Variants in SP100 observed in about 807,000 individuals in gnomAD.
SP100 encodes the protein nuclear autoantigen Sp-100.
A neutral mutation model predicts 130.0 loss-of-function variants in SP100; 84 were observed. That is an observed-to-expected ratio of 0.65 (90% confidence interval 0.54 to 0.77). The LOEUF (loss-of-function observed/expected upper bound fraction) is 0.77. Among genes scored for constraint, SP100 ranks in the 30% least tolerant of loss-of-function variants. SP100 has a pLI of 0.00. For missense variants in SP100, 978 were observed against 1,052.2 expected (o/e 0.93, Z 0.97); for synonymous variants, 331 against 351.7 (o/e 0.94, Z 0.66).
At chr2:230,425,247 AC>A (rs1352477397) in intron 2 of SP100, among the ~76,000 whole-genome samples, 1 of 152,136 alleles carries the variant, frequency 6.6e-6, no homozygotes, top group Admixed American at 6.5e-5. Context: ...AATACCCAGA[AC>A]TTATCCATCT....
intron 24 of SP100, among the ~76,000 whole-genome samples, chr2:230,527,975 A>T (rs144371372): frequency 0.013 from 1,976 of 152,194 alleles, 38 homozygotes; most frequent in African/African-American, 0.045. Flanking sequence ...CACACAATAA[A>T]AATGGGAGAC....
Position 230,504,197 on chromosome 2 carries a change from C to T in SP100, c.1777C>T (p.Pro593Ser). The change falls in exon 21 of 29, where the codon CCC becomes TCC. Residue 593 changes from proline to serine, a missense_variant. Pro to Ser is a moderately conservative substitution (Grantham distance 74). Transcript: ENST00000340126. ...KRRRKRGPRI[P>S]KDENINFKQS... ...ATGCTTCCTTGCAGGTCCAAGAATTCCCAAAGATGAAAATATTAATTTTAA... is the reference window on the plus strand; with the variant it reads ...ATGCTTCCTTGCAGGTCCAAGAATTTCCAAAGATGAAAATATTAATTTTAA... 1 of 1,606,682 alleles carries T rather than the reference C, an allele frequency of 6.2e-7. No individual in the cohort carries two copies. Among genetic ancestry groups the T allele is most frequent in the Non-Finnish European group, 8.5e-7 (1 of 1,174,682 alleles).
chr2:230,471,733 T>C (rs1031457871), intron 15 of SP100, among the ~76,000 whole-genome samples: 16 of 151,886 alleles, frequency 1.1e-4, no homozygotes, highest in Non-Finnish European at 1.6e-4. Flanking sequence ...GGCTCCTGAA[T>C]GGAGGGAGGA....
At chr2:230,510,745 T>C in intron 23 of SP100, 1 of 262,338 alleles carries the variant, frequency 3.8e-6, no homozygotes, top group Non-Finnish European at 7.4e-6. Context: ...TCTGCCCTCC[T>C]CGGCCTCCCA....
intron 17 of SP100, among the ~76,000 whole-genome samples, chr2:230,478,581 T>C (rs2065679840): frequency 6.6e-6 from 1 of 152,220 alleles, no homozygotes; most frequent in African/African-American, 2.4e-5. Flanking sequence ...TTCTTTATGT[T>C]AGTCTTGTGG....
rs577875109 is a variant in SP100 at position 230,461,017 on chromosome 2, A to T, written c.821-245A>T. Among the ~76,000 whole-genome samples, 4 of 151,736 alleles carry T rather than the reference A, an allele frequency of 2.6e-5. No individual in the cohort carries two copies. The East Asian group carries it at 5.8e-4, about 22-fold the overall frequency. On this transcript the variant is annotated intron_variant, in intron 8 of 28. Coordinates refer to ENST00000340126, the MANE Select transcript of SP100 (RefSeq NM_001080391.2). The stretch of plus-strand genomic sequence containing the variant: ...GTCTTATACTGCAATTATAATTTTT[A>T]TTTTTTTTAAAAAGCAAAATATTAA...
chr2:230,436,476 T>C (rs1332302528), intron 2 of SP100, among the ~76,000 whole-genome samples: 1 of 152,072 alleles, frequency 6.6e-6, no homozygotes, highest in Non-Finnish European at 1.5e-5. Flanking sequence ...TGAGATCTGA[T>C]GGTATAAGGG....
At chr2:230,448,977 C>A in intron 5 of SP100, 111 bp from the exon 6 acceptor site, 4 of 760,086 alleles carry the variant, frequency 5.3e-6, no homozygotes, top group Non-Finnish European at 9.6e-6. Context: ...TGCATTGAGA[C>A]CTAGAAGGGG....
At chr2:230,508,201 T>C in intron 23 of SP100, 170 bp downstream of exon 23, 1 of 1,052,080 alleles carries the variant, frequency 9.5e-7, no homozygotes, top group Non-Finnish European at 1.3e-6. Context: ...AGTCCAGGGC[T>C]CCTTTGAACA....
chr2:230,490,810 G>T (rs2066351340), intron 17 of SP100, among the ~76,000 whole-genome samples: 1 of 152,018 alleles, frequency 6.6e-6, no homozygotes, highest in African/African-American at 2.4e-5. Flanking sequence ...GTTGAATATT[G>T]GCACCCAATC....
chr2:230,528,947 A>G lies in SP100; in HGVS notation c.2095-10320A>G, dbSNP rs1185312941. 2.0e-5 allele frequency among the ~76,000 whole-genome samples: 3 copies of G among 152,222 alleles called. 1 individual carries two copies. In the East Asian group the frequency reaches 5.8e-4, roughly 29 times the overall value. Reference sequence around the variant, plus strand: ...TGAGGCAATAATTAACAGCCTACCAACCAAAAAAGTCCAGGACCAGACAGA... The same window carrying G: ...TGAGGCAATAATTAACAGCCTACCAGCCAAAAAAGTCCAGGACCAGACAGA... On this transcript the variant is annotated intron_variant, in intron 24 of 28. Coordinates refer to ENST00000340126, the MANE Select transcript of SP100 (RefSeq NM_001080391.2).
chr2:230,482,337 G>C lies in SP100; in HGVS notation c.1600+7890G>C, dbSNP rs752066145. ...GGGCAGCCTGAGGATCATTCATTAT[G>C]GTTCTTCAGAGAGTCCCCAGCAAGA... On this transcript the variant is annotated intron_variant, in intron 17 of 28. Coordinates refer to ENST00000340126, the MANE Select transcript of SP100 (RefSeq NM_001080391.2). 5.3e-5 allele frequency among the ~76,000 whole-genome samples: 8 copies of C among 152,112 alleles called. No homozygotes were observed. The South Asian group carries it at 1.0e-3, about 20-fold the overall frequency.
At chr2:230,514,973 T>G in intron 24 of SP100, 1 of 1,509,770 alleles carries the variant, frequency 6.6e-7, no homozygotes, top group East Asian at 2.3e-5. Context: ...AAGTGAGAGC[T>G]GGACAGGCCC....
At chr2:230,468,884 G>C in intron 13 of SP100, 159 bp from the exon 14 acceptor site, 1 of 468,004 alleles carries the variant, frequency 2.1e-6, no homozygotes, top group Non-Finnish European at 3.8e-6. Context: ...GTGGGTCTGT[G>C]CTCCATTTGA....
At chr2:230,539,064 A>G in intron 24 of SP100, 1 of 413,734 alleles carries the variant, frequency 2.4e-6, no homozygotes, top group Non-Finnish European at 4.5e-6. Context: ...GGTTTCATAA[A>G]GAAAACTTTT....
intron 13 of SP100, among the ~76,000 whole-genome samples, chr2:230,467,787 C>A (rs1412672381): frequency 6.6e-6 from 1 of 152,196 alleles, no homozygotes; most frequent in Non-Finnish European, 1.5e-5. Context: ...ACTGCCAGAC[C>A]TATTAACTCC....
At chr2:230,480,592 G>A (rs1302033962) in intron 17 of SP100, among the ~76,000 whole-genome samples, 1 of 152,128 alleles carries the variant, frequency 6.6e-6, no homozygotes, top group East Asian at 1.9e-4. Flanking sequence ...ATCAAGGGTG[G>A]ATGTCCTGCT....
intron 24 of SP100, among the ~76,000 whole-genome samples, chr2:230,525,420 G>A (rs770154369): frequency 6.6e-6 from 1 of 152,178 alleles, no homozygotes; most frequent in African/African-American, 2.4e-5. Context: ...AACTAAGAAA[G>A]TTTGTGAAGA....
chr2:230,456,727 G>T (rs1448991529), intron 8 of SP100, among the ~76,000 whole-genome samples: 1 of 151,934 alleles, frequency 6.6e-6, no homozygotes, highest in Non-Finnish European at 1.5e-5. Context: ...TTCATTCATT[G>T]TATTTTTCAG....
Sources: allele counts gnomAD v4.1 joint callset (sites outside exome capture counted in the v4.1 genomes callset), GRCh38; gene constraint gnomAD v4.1.1; transcripts MANE v1.5; gene names NCBI Gene and HGNC (gene_info 2026-07-23, HGNC 2026-07-21).